CLNK: variants seen among roughly 807,000 people sequenced by gnomAD.
CLNK encodes the protein cytokine dependent hematopoietic cell linker.
Under a neutral mutation model 68.6 loss-of-function variants are expected in CLNK, and 74 were observed. That is an observed-to-expected ratio of 1.08 (90% CI 0.89 to 1.31). The LOEUF (loss-of-function observed/expected upper bound fraction) is 1.31, where lower values mean the gene tolerates loss of function less well. CLNK is among the 50% of genes most tolerant of loss of function. CLNK has a pLI of 0.00. For synonymous variants in CLNK, 198 were observed against 172.2 expected, an observed-to-expected ratio of 1.15 and a Z score of -1.17; for missense variants, 553 against 515.3, an observed-to-expected ratio of 1.07 and a Z score of -0.71.
At chr4:10,622,917 C>G (rs761171902) in intron 2 of CLNK, among the ~76,000 whole-genome samples, 7 of 152,068 alleles carry the variant, frequency 4.6e-5, no homozygotes, top group South Asian at 4.2e-4. Flanking sequence ...GAGCTCTGGC[C>G]CCTTCATCCC....
intron 2 of CLNK, among the ~76,000 whole-genome samples, chr4:10,639,418 G>A (rs971614332): frequency 6.6e-6 from 1 of 152,328 alleles, no homozygotes; most frequent in South Asian, 2.1e-4. Flanking sequence ...CTGCTGGGCT[G>A]GGTGAGAGGG....
intron 13 of CLNK, 61 bp downstream of exon 13, chr4:10,528,015 A>G: frequency 1.1e-6 from 1 of 933,488 alleles, no homozygotes; most frequent in Non-Finnish European, 1.5e-6. Flanking sequence ...AGCACTGTAG[A>G]TCTAGAAAGA....
chr4:10,638,616 G>A (rs1237421177), intron 2 of CLNK, among the ~76,000 whole-genome samples: 1 of 152,198 alleles, frequency 6.6e-6, no homozygotes, highest in African/African-American at 2.4e-5. Flanking sequence ...TGACACTGGT[G>A]TTACTATGAT....
chr4:10,704,877 C>A, the CLNK span, among the ~76,000 whole-genome samples: 3 of 152,192 alleles, frequency 2.0e-5, no homozygotes, highest in Admixed American at 6.5e-5. Flanking sequence ...TTAATCAAAG[C>A]AGACTTGGTT....
chr4:10,612,972 A>G (rs1019165135), intron 2 of CLNK, among the ~76,000 whole-genome samples: 1 of 152,258 alleles, frequency 6.6e-6, no homozygotes, highest in Admixed American at 6.5e-5. Flanking sequence ...TATTTAGGCT[A>G]GAAATTTTTA....
Position 10,566,167 on chromosome 4 carries a change from A to G in CLNK, c.151-17T>C, listed in dbSNP as rs1173761743. ...GTTTCTTTCCTAAGCAGGTGGTAAC[A>G]TTCCAGTGAGTCAAAGGAAGGTACA... On this transcript the variant is annotated splice_polypyrimidine_tract_variant and intron_variant, in intron 5 of 18. Coordinates refer to ENST00000226951, the MANE Select transcript of CLNK (RefSeq NM_052964.4). The G allele has an allele frequency of 3.1e-6, 5 of 1,612,604 alleles. No individual in the cohort carries two copies. The East Asian group carries it at 8.9e-5, about 29-fold the overall frequency.
intron 1 of CLNK, among the ~76,000 whole-genome samples, chr4:10,682,137 G>T (rs1168196953): frequency 6.6e-6 from 1 of 151,796 alleles, no homozygotes; most frequent in African/African-American, 2.4e-5. Flanking sequence ...GTGTGTATGT[G>T]TGTGTGTGTG....
intron 2 of CLNK, among the ~76,000 whole-genome samples, chr4:10,640,228 G>C (rs892781152): frequency 2.6e-5 from 4 of 151,848 alleles, no homozygotes; most frequent in African/African-American, 9.7e-5. Context: ...GCAGTGGCAC[G>C]ATCTCAGCTC....
the CLNK span, among the ~76,000 whole-genome samples, chr4:10,722,035 A>G: frequency 6.6e-6 from 1 of 152,158 alleles, no homozygotes; most frequent in Non-Finnish European, 1.5e-5. Flanking sequence ...TTAGCCAGGC[A>G]AGGTGGCATA....
intron 2 of CLNK, among the ~76,000 whole-genome samples, chr4:10,663,505 A>G (rs569831950): frequency 2.2e-4 from 34 of 152,190 alleles, no homozygotes; most frequent in Admixed American, 8.5e-4. Context: ...ATAAATTTGT[A>G]TATGATTTAT....
intron 2 of CLNK, among the ~76,000 whole-genome samples, chr4:10,647,041 G>A (rs1180690794): frequency 6.6e-6 from 1 of 152,092 alleles, no homozygotes; most frequent in African/African-American, 2.4e-5. Context: ...TTTCCCAGGC[G>A]ATGCTGTCAT....
At chr4:10,716,337 A>C in the CLNK span, among the ~76,000 whole-genome samples, 2 of 152,238 alleles carry the variant, frequency 1.3e-5, no homozygotes, top group African/African-American at 2.4e-5. Context: ...TAATATTTCT[A>C]AAAGAGAACC....
chr4:10,543,115 CG>C (rs1039899477), intron 8 of CLNK, among the ~76,000 whole-genome samples: 1 of 152,038 alleles, frequency 6.6e-6, no homozygotes, highest in Admixed American at 6.5e-5. Flanking sequence ...TGGCTGTCAC[CG>C]AACATGTTGC....
the CLNK span, among the ~76,000 whole-genome samples, chr4:10,718,916 A>G: frequency 1.3e-5 from 2 of 152,070 alleles, no homozygotes; most frequent in Admixed American, 1.3e-4. Flanking sequence ...GAAAGGAGGT[A>G]ATTTTTCCAT....
chr4:10,666,573 T>G (rs1724402578), intron 2 of CLNK, among the ~76,000 whole-genome samples: 1 of 152,190 alleles, frequency 6.6e-6, no homozygotes, highest in Non-Finnish European at 1.5e-5. Context: ...ATCTCAATGC[T>G]CTGAGCCATC....
intron 4 of CLNK, among the ~76,000 whole-genome samples, chr4:10,577,832 T>C (rs776475028): frequency 2.0e-5 from 3 of 152,130 alleles, no homozygotes; most frequent in Non-Finnish European, 4.4e-5. Context: ...TTTTTTTAAA[T>C]GTCTTGCAGC....
chr4:10,503,946 C>T (rs1200970758), intron 17 of CLNK, among the ~76,000 whole-genome samples: 1 of 150,834 alleles, frequency 6.6e-6, no homozygotes, highest in East Asian at 1.9e-4. Context: ...CCACGCCTAG[C>T]TAATTTTTGT....
chr4:10,698,416 C>G, the CLNK span, among the ~76,000 whole-genome samples: 231 of 152,168 alleles, frequency 1.5e-3, 1 homozygote, highest in African/African-American at 5.4e-3. Context: ...ATGTTAATTG[C>G]TAAGTGAGTA....
chr4:10,712,030 G>A, the CLNK span, among the ~76,000 whole-genome samples: 1 of 152,208 alleles, frequency 6.6e-6, no homozygotes, highest in Admixed American at 6.5e-5. Flanking sequence ...ATCACATGCA[G>A]AAAGTTCAAA....
Sources: allele counts gnomAD v4.1 joint callset (sites outside exome capture counted in the v4.1 genomes callset), GRCh38; gene constraint gnomAD v4.1.1; transcripts MANE v1.5; gene names NCBI Gene and HGNC (gene_info 2026-07-23, HGNC 2026-07-21).